The following ATAD5 variants were observed in gnomAD, a reference collection of about 807,000 sequenced individuals.
The protein encoded by ATAD5 is ATPase family AAA domain-containing protein 5.
In ATAD5, 58 loss-of-function variants were observed where a neutral mutation model predicts 176.9. That is an observed-to-expected ratio of 0.33 (90% CI 0.27 to 0.41). The LOEUF (loss-of-function observed/expected upper bound fraction) is 0.41, where lower values mean the gene tolerates loss of function less well. ATAD5 is among the 10% of genes least tolerant of loss of function. ATAD5 has a pLI of 1.00. For synonymous variants in ATAD5, 640 were observed against 712.6 expected (o/e 0.90, Z 1.62); for missense variants, 1,789 against 2,094.1 (o/e 0.85, Z 2.84).
Position 30,840,794 on chromosome 17 carries a change from A to ATT in ATAD5, c.2241+13_2241+14insTT. On this transcript the variant is annotated intron_variant, in intron 4 of 22. Coordinates refer to ENST00000321990, the MANE Select transcript of ATAD5 (RefSeq NM_024857.5). ...GTCAGAAACAGAAGTAAGTATTATA[A>ATT]ATATCTGTTGGTATAAATTCTCTCC... 1 of 1,586,100 alleles carries ATT rather than the reference A, an allele frequency of 6.3e-7. No individual in the cohort carries two copies.
intron 6 of ATAD5, among the ~76,000 whole-genome samples, chr17:30,846,978 C>G (rs1567681857): frequency 6.6e-6 from 1 of 152,140 alleles, no homozygotes; most frequent in East Asian, 1.9e-4. Flanking sequence ...CTCAGCCTCC[C>G]ATAGTGCTGG....
intron 10 of ATAD5, chr17:30,864,178 T>C (rs1377207753): frequency 6.6e-6 from 1 of 152,162 alleles, no homozygotes; most frequent in African/African-American, 2.4e-5. Context: ...TAAATATTGC[T>C]GTTTGTGGTG....
chr17:30,847,690 G>T (rs1906599519), intron 6 of ATAD5, among the ~76,000 whole-genome samples: 1 of 148,472 alleles, frequency 6.7e-6, no homozygotes, highest in African/African-American at 2.5e-5. Flanking sequence ...TCAGTATTTG[G>T]CTATTATTAA....
intron 10 of ATAD5, among the ~76,000 whole-genome samples, chr17:30,860,932 G>A (rs1907593422): frequency 6.6e-6 from 1 of 151,110 alleles, no homozygotes; most frequent in South Asian, 2.1e-4. Flanking sequence ...TTTTGAGATG[G>A]AGTCTTGCAC....
intron 9 of ATAD5, among the ~76,000 whole-genome samples, chr17:30,859,755 G>A (rs1363524480): frequency 4.9e-5 from 7 of 143,426 alleles, no homozygotes; most frequent in Non-Finnish European, 3.1e-5. Flanking sequence ...TTTTTGAGAC[G>A]GCGTCTTGCT....
chr17:30,888,150 T>A (rs947677990), intron 19 of ATAD5, among the ~76,000 whole-genome samples: 1 of 152,090 alleles, frequency 6.6e-6, no homozygotes, highest in African/African-American at 2.4e-5. Flanking sequence ...AAATTTTTTT[T>A]AATTAAAAAA....
intron 15 of ATAD5, among the ~76,000 whole-genome samples, 184 bp from the exon 16 acceptor site, chr17:30,877,232 A>T (rs904833741): frequency 6.7e-6 from 1 of 149,190 alleles, no homozygotes; most frequent in Non-Finnish European, 1.5e-5. Context: ...TGGTCTCGAA[A>T]CCCTGACCTC....
Position 30,865,800 on chromosome 17 carries a change from G to A in ATAD5, c.3233G>A (p.Ser1078Asn). 6.5e-7 allele frequency: 1 copy of A among 1,541,636 alleles called. No individual in the cohort carries two copies. The highest frequency in any genetic ancestry group is 8.8e-7 in the Non-Finnish European group (1 of 1,141,430). The change falls in exon 11 of 23, where the codon AGT (serine) becomes AAT (asparagine). Residue 1078 changes from serine (S) to asparagine (N), a missense_variant and splice_region_variant. Physicochemically the swap from Ser to Asn is conservative, Grantham distance 46. Around this residue, in one of 6 missense-constraint regions of ATAD5, gnomAD observed 487 missense variants for 573.6 expected, o/e 0.85. Coordinates refer to ENST00000321990, the MANE Select transcript of ATAD5 (RefSeq NM_024857.5). ...GAGTTAGCTATAAAAAAGTTACATA[G>A]GTTGGTAAAATGTGTAAGGAATTGA... Reference protein sequence around the residue: ...GNELAIKKLHSWLKDWKRRAE... With the variant: ...GNELAIKKLHNWLKDWKRRAE...
In ATAD5 at chr17:30,835,284, GC is replaced by G; in HGVS notation, c.1204del (p.Gln402AsnfsTer3). 6.2e-7 allele frequency: 1 copy of G among 1,614,048 alleles called. No homozygotes were observed. Among genetic ancestry groups the G allele is most frequent in the South Asian group, 1.1e-5 (1 of 91,056 alleles). On this transcript the variant is annotated frameshift_variant, in exon 2 of 23. Coordinates refer to ENST00000321990, the MANE Select transcript of ATAD5 (RefSeq NM_024857.5). LOFTEE classifies it high-confidence loss of function. ...KPKCTLEERQ[Q>X]FMKAFRQPAS... ...CAAAATGCACTCTAGAAGAAAGACA[GC>G]AATTTATGAAAGCATTTAGGCAGCC...
At chr17:30,868,280 C>A in intron 11 of ATAD5, 53 bp from the exon 12 acceptor site, 1 of 1,420,538 alleles carries the variant, frequency 7.0e-7, no homozygotes, top group South Asian at 1.4e-5. Flanking sequence ...AACATAAAGT[C>A]TAAGGCATAG....
chr17:30,893,580 G>A lies in ATAD5; in HGVS notation c.4727G>A (p.Ser1576Asn). The change falls in exon 21 of 23, where the codon AGT (serine) becomes AAT (asparagine). Residue 1576 changes from serine to asparagine, a missense_variant. Physicochemically the swap from Ser to Asn is conservative, Grantham distance 46. Coordinates refer to ENST00000321990, the MANE Select transcript of ATAD5 (RefSeq NM_024857.5). The stretch of plus-strand genomic sequence containing the variant: ...AAAACATTGGTAATATTAGATGATA[G>A]TGATCTATTTGACACTGACTTGGAC... ...QKKTLVILDD[S>N]DLFDTDLDFP... The A allele has an allele frequency of 1.2e-6, 2 of 1,613,696 alleles. No homozygotes were observed. The highest frequency in any genetic ancestry group is 1.7e-6 in the Non-Finnish European group (2 of 1,179,824).
At chr17:30,891,913 C>A (rs982302324) in intron 19 of ATAD5, among the ~76,000 whole-genome samples, 1 of 142,722 alleles carries the variant, frequency 7.0e-6, no homozygotes, top group Non-Finnish European at 1.5e-5. Context: ...CTCGAACTTG[C>A]CCAGGATGGT....
At chr17:30,856,632 C>A (rs1053176759) in intron 7 of ATAD5, among the ~76,000 whole-genome samples, 1 of 152,154 alleles carries the variant, frequency 6.6e-6, no homozygotes. Flanking sequence ...CTGCCTTGGC[C>A]TCCCAAAGTG....
chr17:30,845,033 T>C, intron 6 of ATAD5, 117 bp downstream of exon 6: 1 of 962,012 alleles, frequency 1.0e-6, no homozygotes, highest in Non-Finnish European at 1.5e-6. Context: ...GTAAGTCCAG[T>C]TTCAAAGTTG....
At chr17:30,888,765 A>G (rs1909459978) in intron 19 of ATAD5, among the ~76,000 whole-genome samples, 1 of 152,082 alleles carries the variant, frequency 6.6e-6, no homozygotes, top group African/African-American at 2.4e-5. Flanking sequence ...CTCATTGTTT[A>G]ATTTTAAAAA....
intron 18 of ATAD5, among the ~76,000 whole-genome samples, chr17:30,885,702 C>A (rs1419871441): frequency 4.0e-5 from 5 of 125,130 alleles, no homozygotes; most frequent in East Asian, 2.4e-4. Context: ...GGGGCAATTT[C>A]GGCTCACTGC....
chr17:30,850,870 T>TATA (rs71142003), intron 6 of ATAD5, among the ~76,000 whole-genome samples: 8 of 12,220 alleles, frequency 6.5e-4, no homozygotes, highest in Non-Finnish European at 8.7e-4. Flanking sequence ...TATATATATA[T>TATA]TTTTTTTTTT....
chr17:30,853,375 ACC>A (rs1165997526), intron 6 of ATAD5, among the ~76,000 whole-genome samples: 5 of 151,728 alleles, frequency 3.3e-5, no homozygotes, highest in Non-Finnish European at 7.4e-5. Context: ...AGTACCTTGT[ACC>A]CCTCTCCTTA....
intron 17 of ATAD5, among the ~76,000 whole-genome samples, chr17:30,878,718 G>GGTTTTTTTTTTTTTTTTTT (rs1908812554): frequency 3.5e-5 from 2 of 56,838 alleles, no homozygotes; most frequent in African/African-American, 1.3e-4. Flanking sequence ...GTTAGGTGGT[G>GGTTTTTTTTTTTTTTTTTT]TTTTTTTTTT....
Sources: allele counts gnomAD v4.1 joint callset (sites outside exome capture counted in the v4.1 genomes callset), GRCh38; gene constraint gnomAD v4.1.1; regional missense constraint gnomAD v4.1.1; transcripts MANE v1.5; gene names NCBI Gene and HGNC (gene_info 2026-07-23, HGNC 2026-07-21).